KIAA2012: variants seen among roughly 807,000 people sequenced by gnomAD.
KIAA2012 encodes the protein uncharacterized protein KIAA2012.
In KIAA2012, 125 loss-of-function variants were observed where a neutral mutation model predicts 150.6. The ratio of observed to expected loss-of-function variants is 0.83; its 90% CI spans 0.72 to 0.96. The LOEUF (loss-of-function observed/expected upper bound fraction) is 0.96. Ranked by LOEUF, KIAA2012 falls within the 40% of genes least tolerant of loss-of-function variation. The probability of loss-of-function intolerance (pLI) is 0.00; values close to 1 mark genes in which losing one functional copy is unlikely to be tolerated. For synonymous variants in KIAA2012, 462 were observed against 504.7 expected, an observed-to-expected ratio of 0.92 and a Z score of 1.13; for missense variants, 1,219 against 1,354.9, an observed-to-expected ratio of 0.90 and a Z score of 1.57.
At chr2:202,181,104 G>C (rs1159766156) in intron 15 of KIAA2012, among the ~76,000 whole-genome samples, 1 of 152,054 alleles carries the variant, frequency 6.6e-6, no homozygotes, top group East Asian at 1.9e-4. Flanking sequence ...TGAGTAGCTG[G>C]GATGACAGGC....
chr2:202,172,236 G>A (rs1691908432), intron 15 of KIAA2012, among the ~76,000 whole-genome samples: 1 of 152,236 alleles, frequency 6.6e-6, no homozygotes, highest in Admixed American at 6.5e-5. Context: ...CTATTCCACA[G>A]ATGAGGAAAA....
At chr2:202,088,964 G>A (rs1346177631) in intron 2 of KIAA2012, among the ~76,000 whole-genome samples, 1 of 152,188 alleles carries the variant, frequency 6.6e-6, no homozygotes, top group East Asian at 1.9e-4. Context: ...CAGGCCTTGA[G>A]CCCAGGGGCT....
At chr2:202,184,666 C>T in intron 15 of KIAA2012, 87 bp from the exon 16 acceptor site, 2 of 878,074 alleles carry the variant, frequency 2.3e-6, no homozygotes, top group Non-Finnish European at 3.3e-6. Context: ...CCTTTGGCTA[C>T]TCACCAGGTA....
At chr2:202,183,063 A>G (rs1306895023) in intron 15 of KIAA2012, among the ~76,000 whole-genome samples, 1 of 152,182 alleles carries the variant, frequency 6.6e-6, no homozygotes, top group Non-Finnish European at 1.5e-5. Flanking sequence ...TCTGCAGAGC[A>G]CCCAGCAAAG....
chr2:202,147,415 AC>A (rs1691324139), intron 13 of KIAA2012, among the ~76,000 whole-genome samples: 1 of 152,228 alleles, frequency 6.6e-6, no homozygotes, highest in Non-Finnish European at 1.5e-5. Context: ...GCAGGGCACC[AC>A]GGCCCACAGC....
intron 15 of KIAA2012, among the ~76,000 whole-genome samples, chr2:202,171,724 G>C (rs1362899363): frequency 6.6e-6 from 1 of 152,174 alleles, no homozygotes; most frequent in African/African-American, 2.4e-5. Context: ...TGGGGAGAAG[G>C]CAGGGAGGCA....
At chr2:202,194,708 G>A (rs78798541) in intron 21 of KIAA2012, among the ~76,000 whole-genome samples, 14,441 of 152,184 alleles carry the variant, frequency 0.095, 916 homozygotes, top group South Asian at 0.24. Context: ...ACTTTCAGGT[G>A]CTGATGTGTG....
At chr2:202,185,246 TA>T (rs1366781511) in intron 16 of KIAA2012, among the ~76,000 whole-genome samples, 2 of 152,216 alleles carry the variant, frequency 1.3e-5, no homozygotes, top group Admixed American at 6.5e-5. Context: ...ATATTAATAA[TA>T]ATTGCTAGCC....
chr2:202,077,203 G>A, intron 2 of KIAA2012: 1 of 369,400 alleles, frequency 2.7e-6, no homozygotes. Flanking sequence ...TGGCTTCTGA[G>A]GTCTCCAATC....
intron 15 of KIAA2012, among the ~76,000 whole-genome samples, chr2:202,180,754 G>A (rs893572090): frequency 6.6e-6 from 1 of 152,196 alleles, no homozygotes; most frequent in Non-Finnish European, 1.5e-5. Context: ...GAACCCAGGA[G>A]GTAGAGGTTG....
intron 22 of KIAA2012, chr2:202,201,865 G>GA: frequency 8.1e-7 from 1 of 1,239,894 alleles, no homozygotes; most frequent in Non-Finnish European, 1.2e-6. Flanking sequence ...GGCTGTGTTG[G>GA]ATATTGACCT....
chr2:202,141,233 G>A (rs12476377), intron 13 of KIAA2012, among the ~76,000 whole-genome samples: 19,752 of 152,110 alleles, frequency 0.13, 1,649 homozygotes, highest in Non-Finnish European at 0.17. Flanking sequence ...TCCAGCACAC[G>A]ATGATGGCAA....
At chr2:202,098,408 G>A (rs984594411) in intron 5 of KIAA2012, among the ~76,000 whole-genome samples, 6 of 152,150 alleles carry the variant, frequency 3.9e-5, no homozygotes, top group African/African-American at 1.4e-4. Context: ...CTGGGGAAGT[G>A]CTGCACGCCT....
chr2:202,158,815 A>G (rs1691591045), intron 14 of KIAA2012, among the ~76,000 whole-genome samples: 1 of 152,242 alleles, frequency 6.6e-6, no homozygotes, highest in Admixed American at 6.5e-5. Context: ...TATCAGGGTT[A>G]GGTCATGGTA....
intron 9 of KIAA2012, among the ~76,000 whole-genome samples, chr2:202,106,350 C>T: frequency 6.6e-6 from 1 of 152,300 alleles, no homozygotes; most frequent in East Asian, 1.9e-4. Context: ...AATGAAATTT[C>T]ATTTCTAATC....
chr2:202,165,177 A>C, intron 14 of KIAA2012, 107 bp from the exon 15 acceptor site: 2 of 1,040,192 alleles, frequency 1.9e-6, no homozygotes, highest in Non-Finnish European at 2.8e-6. Flanking sequence ...AGAAACCACT[A>C]AGAAAACTGG....
chr2:202,113,252 G>T, intron 10 of KIAA2012, 84 bp from the exon 11 acceptor site: 1 of 1,017,970 alleles, frequency 9.8e-7, no homozygotes, highest in African/African-American at 1.6e-5. Flanking sequence ...GCCCGCGGGG[G>T]ACCAGGGGAA....
In KIAA2012 at chr2:202,134,618, G is replaced by T. The variant is rs1307352849; in HGVS notation, c.1832-3814G>T. ...TGCCCAGGCTGGAGTGCAATGGCAC[G>T]ATCTTAGCTCACTGCAACCTCCGCC... On this transcript the variant is annotated intron_variant, in intron 12 of 23. Coordinates refer to ENST00000498697, the MANE Select transcript of KIAA2012 (RefSeq NM_001277372.4). Among the ~76,000 whole-genome samples, 6 of 152,290 alleles carry T rather than the reference G, an allele frequency of 3.9e-5. No homozygotes were observed. The South Asian group carries it at 1.2e-3, about 32-fold the overall frequency.
At chr2:202,177,606 T>C (rs942853857) in intron 15 of KIAA2012, among the ~76,000 whole-genome samples, 3 of 152,138 alleles carry the variant, frequency 2.0e-5, no homozygotes, top group Admixed American at 6.5e-5. Context: ...AGGCTCAACC[T>C]GAATTCCTGG....
Sources: gnomAD v4.1 joint callset for allele counts (sites outside exome capture counted in the v4.1 genomes callset) on GRCh38, gnomAD v4.1.1 for gene constraint, MANE v1.5 for transcripts, NCBI Gene and HGNC (gene_info 2026-07-23, HGNC 2026-07-21) for gene names.